Variants in RHBDL2 observed in about 807,000 individuals in gnomAD.
RHBDL2 encodes rhomboid like 2.
A neutral mutation model predicts 31.7 loss-of-function variants in RHBDL2; 26 were observed. The observed-to-expected ratio is 0.82, with a 90% CI of 0.60 to 1.14. The LOEUF is 1.14. RHBDL2 is among the 50% of genes most tolerant of loss of function. RHBDL2 has a pLI of 0.00. For synonymous variants in RHBDL2, 123 were observed against 127.2 expected, an observed-to-expected ratio of 0.97 and a Z score of 0.22; for missense variants, 336 against 364.4, an observed-to-expected ratio of 0.92 and a Z score of 0.63.
At chr1:38,887,890 G>A in intron 7 of RHBDL2, 73 bp downstream of exon 7, 1 of 1,084,984 alleles carries the variant, frequency 9.2e-7, no homozygotes, top group Non-Finnish European at 1.4e-6. Context: ...TCACAGCGTT[G>A]TAACCCCTAT....
intron 1 of RHBDL2, among the ~76,000 whole-genome samples, chr1:38,927,841 T>A (rs1313263405): frequency 6.6e-6 from 1 of 152,148 alleles, no homozygotes; most frequent in African/African-American, 2.4e-5. Flanking sequence ...TAAAGCAGGG[T>A]AATAATATTC....
At chr1:38,926,189 A>G in intron 1 of RHBDL2, 1 of 1,093,220 alleles carries the variant, frequency 9.1e-7, no homozygotes, top group Non-Finnish European at 1.1e-6. Context: ...CTGAGGCTGG[A>G]GGTGAGGATG....
At chr1:38,926,901 C>T (rs1170600575) in intron 1 of RHBDL2, 5 of 152,362 alleles carry the variant, frequency 3.3e-5, no homozygotes, top group Admixed American at 6.5e-5. Context: ...ATACTAAAAA[C>T]CGGACCAATA....
At chr1:38,916,511 TA>T (rs1174534218) in intron 2 of RHBDL2, among the ~76,000 whole-genome samples, 1 of 152,064 alleles carries the variant, frequency 6.6e-6, no homozygotes, top group African/African-American at 2.4e-5. Context: ...ATCTGGAGTT[TA>T]GTTAGGAATA....
intron 4 of RHBDL2, among the ~76,000 whole-genome samples, chr1:38,908,909 A>C (rs1432826474): frequency 1.3e-5 from 2 of 152,174 alleles, no homozygotes; most frequent in Admixed American, 6.6e-5. Context: ...TTGGAGAATG[A>C]GTGCAAGGTT....
intron 4 of RHBDL2, among the ~76,000 whole-genome samples, chr1:38,898,827 A>G (rs1052135326): frequency 6.6e-6 from 1 of 152,222 alleles, no homozygotes; most frequent in Non-Finnish European, 1.5e-5. Context: ...AGAACCACCA[A>G]AAATGAAGTG....
intron 4 of RHBDL2, among the ~76,000 whole-genome samples, chr1:38,906,021 C>A (rs1161125916): frequency 6.7e-6 from 1 of 149,442 alleles, no homozygotes; most frequent in African/African-American, 2.5e-5. Flanking sequence ...GAGCCAAGAT[C>A]GTGCCATTGC....
At chr1:38,941,111 A>G (rs1643555959) in intron 1 of RHBDL2, among the ~76,000 whole-genome samples, 6 of 152,244 alleles carry the variant, frequency 3.9e-5, no homozygotes, top group Admixed American at 2.6e-4. Context: ...CAGAGAATCC[A>G]GGTATATGCT....
intron 4 of RHBDL2, among the ~76,000 whole-genome samples, chr1:38,897,521 C>T (rs1301227247): frequency 6.6e-6 from 1 of 151,962 alleles, no homozygotes; most frequent in Non-Finnish European, 1.5e-5. Flanking sequence ...TGAGACCAAC[C>T]CGGGCCACAG....
chr1:38,894,096 C>T (rs1642885436), intron 5 of RHBDL2, among the ~76,000 whole-genome samples: 1 of 152,070 alleles, frequency 6.6e-6, no homozygotes, highest in East Asian at 1.9e-4. Flanking sequence ...TGACCATGAC[C>T]TACAGTAAGA....
intron 6 of RHBDL2, among the ~76,000 whole-genome samples, chr1:38,891,220 C>G (rs1642849628): frequency 7.3e-6 from 1 of 136,904 alleles, no homozygotes; most frequent in Admixed American, 8.3e-5. Context: ...AAGATCACAC[C>G]ACTACACTCC....
chr1:38,922,820 A>G (rs866013659), intron 1 of RHBDL2, among the ~76,000 whole-genome samples: 31 of 152,072 alleles, frequency 2.0e-4, no homozygotes, highest in African/African-American at 7.2e-4. Context: ...GGCCGGGCAC[A>G]GTGGCTCATG....
intron 1 of RHBDL2, among the ~76,000 whole-genome samples, chr1:38,939,036 T>C (rs963245058): frequency 6.6e-6 from 1 of 152,164 alleles, no homozygotes; most frequent in African/African-American, 2.4e-5. Flanking sequence ...ATGAACAGGA[T>C]CATGCTTATG....
Position 38,904,558 on chromosome 1 carries a change from A to C in RHBDL2, c.508+6764T>G, listed in dbSNP as rs376222877. On this transcript the variant is annotated intron_variant, in intron 4 of 7. Coordinates refer to ENST00000372990, the MANE Select transcript of RHBDL2 (RefSeq NM_017821.5). ...GAAAATGTATAAAAGGCCAGGCATC[A>C]TGGCACACACCTGTAATCCTAGCAT... 3.3e-5 allele frequency among the ~76,000 whole-genome samples: 5 copies of C among 151,730 alleles called. No individual in the cohort carries two copies. The East Asian group carries it at 7.7e-4, about 23-fold the overall frequency.
chr1:38,895,664 C>T (rs1461149870), intron 5 of RHBDL2, among the ~76,000 whole-genome samples: 1 of 152,018 alleles, frequency 6.6e-6, no homozygotes, highest in Non-Finnish European at 1.5e-5. Context: ...ATTAGTCAGG[C>T]ATGGTGGCCC....
intron 1 of RHBDL2, 145 bp from the exon 2 acceptor site, chr1:38,919,482 GT>G (rs1304558739): frequency 7.1e-6 from 4 of 567,162 alleles, no homozygotes; most frequent in Middle Eastern, 5.2e-4. Context: ...TCAGCTGTAA[GT>G]TAACATCAGA....
chr1:38,934,217 G>A (rs1209727242), intron 1 of RHBDL2, among the ~76,000 whole-genome samples: 2 of 151,974 alleles, frequency 1.3e-5, no homozygotes, highest in African/African-American at 2.4e-5. Context: ...GCGTTATGGC[G>A]GGTGCCTGTA....
chr1:38,920,001 C>A (rs1238315896), intron 1 of RHBDL2, among the ~76,000 whole-genome samples: 1 of 152,140 alleles, frequency 6.6e-6, no homozygotes, highest in East Asian at 1.9e-4. Flanking sequence ...ACCTGTTAAG[C>A]AGTTAATTCC....
chr1:38,894,707 C>CTTTTTTTTTTTTTTTTTTTTTTTTTT (rs71057159), intron 5 of RHBDL2, among the ~76,000 whole-genome samples: 18 of 114,188 alleles, frequency 1.6e-4, no homozygotes, highest in Non-Finnish European at 2.4e-4. Context: ...CTTTTTTTTT[C>CTTTTTTTTTTTTTTTTTTTTTTTTTT]TTTTTTTTTT....
Sources: gnomAD v4.1 joint callset for allele counts (sites outside exome capture counted in the v4.1 genomes callset) on GRCh38, gnomAD v4.1.1 for gene constraint, MANE v1.5 for transcripts, NCBI Gene and HGNC (gene_info 2026-07-23, HGNC 2026-07-21) for gene names.